The following GGT5 variants were observed in gnomAD, a reference collection of about 807,000 sequenced individuals.
GGT5 encodes glutathione hydrolase 5 proenzyme.
GGT5 carries 50 observed loss-of-function variants against 58.1 expected under a neutral mutation model. That is an observed-to-expected ratio of 0.86 (90% CI 0.69 to 1.09). GGT5 has a LOEUF of 1.09. GGT5 is among the 50% of genes least tolerant of loss of function. The pLI, the probability that GGT5 is intolerant of heterozygous loss-of-function variation, is 0.00. For synonymous variants in GGT5, 370 were observed against 346.1 expected (o/e 1.07, Z -0.77); for missense variants, 800 against 789.4 (o/e 1.01, Z -0.16).
chr22:24,225,995 G>A, intron 8 of GGT5, 81 bp downstream of exon 8: 1 of 1,019,316 alleles, frequency 9.8e-7, no homozygotes, highest in Non-Finnish European at 1.4e-6. Flanking sequence ...GTGGGGACAA[G>A]TGAGGGGACA....
rs1042503405 is a variant in GGT5 at position 24,230,093 on chromosome 22, C to A, written c.901+1291G>T. On this transcript the variant is annotated intron_variant, in intron 6 of 11. Transcript: ENST00000327365. ...ACTAAAAAGATAAAAATCATCTGGG[C>A]GCGGTGGCTCATGCCTGTAATCCCA... Among the ~76,000 whole-genome samples the A allele has an allele frequency of 2.0e-5, 3 of 151,178 alleles. No homozygotes were observed. The East Asian group carries it at 5.9e-4, about 30-fold the overall frequency.
chr22:24,230,790 T>C (rs6004107), intron 6 of GGT5, among the ~76,000 whole-genome samples: 3,712 of 152,252 alleles, frequency 0.024, 178 homozygotes, highest in African/African-American at 0.084. Flanking sequence ...TTCTGTTTTT[T>C]ATTTAGGTCA....
At position 24,244,976 on chromosome 22, in the gene GGT5, G is replaced by A. The variant is rs1272350054; in HGVS notation, c.-251C>T. 3.4e-6 allele frequency: 2 copies of A among 591,790 alleles called. No individual in the cohort carries two copies. The highest frequency in any genetic ancestry group is 5.8e-6 in the Non-Finnish European group (2 of 347,662). The allele number at this position is 591,790 out of a possible 1,614,324, so 36.7% of individuals were successfully genotyped here. A position where few individuals can be genotyped will look rare whatever the true frequency, so the allele number is the denominator to read the frequency against. On this transcript the variant is annotated 5_prime_UTR_variant, in exon 1 of 12. Transcript: ENST00000327365. Reference sequence around the variant, plus strand: ...GGGCTTACAGATGGGCGGACAGACAGACAGGTCTGAACAGCGGGCTGCCAG... The same window carrying A: ...GGGCTTACAGATGGGCGGACAGACAAACAGGTCTGAACAGCGGGCTGCCAG...
In GGT5 at chr22:24,232,217, T is replaced by C; in HGVS notation, c.597-9A>G. The C allele has an allele frequency of 7.1e-6, 3 of 425,166 alleles. No individual in the cohort carries two copies. Among genetic ancestry groups the C allele is most frequent in the South Asian group, 3.2e-5 (1 of 30,846 alleles). The allele number at this position is 425,166 out of a possible 1,614,324, so 26.3% of individuals were successfully genotyped here. A position where few individuals can be genotyped will look rare whatever the true frequency, so the allele number is the denominator to read the frequency against. Reference sequence around the variant, plus strand: ...CGTTGAAGAAGAGCTGGCTGGGGGGTGGGGGGAGCCTCAGGGTGGGGCCAG... The same window carrying C: ...CGTTGAAGAAGAGCTGGCTGGGGGGCGGGGGGAGCCTCAGGGTGGGGCCAG... On this transcript the variant is annotated splice_polypyrimidine_tract_variant and intron_variant, in intron 4 of 11. Transcript: ENST00000327365.
intron 6 of GGT5, among the ~76,000 whole-genome samples, chr22:24,230,162 G>T (rs2047895856): frequency 6.6e-6 from 1 of 151,962 alleles, no homozygotes; most frequent in African/African-American, 2.4e-5. Flanking sequence ...GACATCAGAA[G>T]TTCAAGACCA....
At chr22:24,238,428 G>A (rs937196322) in intron 1 of GGT5, among the ~76,000 whole-genome samples, 1 of 151,360 alleles carries the variant, frequency 6.6e-6, no homozygotes, top group Non-Finnish European at 1.5e-5. Flanking sequence ...CCAGCTACTT[G>A]GGAGACTGAG....
intron 2 of GGT5, 75 bp from the exon 3 acceptor site, chr22:24,233,668 C>A: frequency 1.1e-6 from 1 of 924,028 alleles, no homozygotes; most frequent in Non-Finnish European, 1.6e-6. Flanking sequence ...CCTCAGTTTC[C>A]ATCTCTGCAT....
chr22:24,219,901 C>T lies in GGT5; in HGVS notation c.*69G>A. 1 of 1,514,080 alleles carries T rather than the reference C, an allele frequency of 6.6e-7. No individual in the cohort carries two copies. Among genetic ancestry groups the T allele is most frequent in the Non-Finnish European group, 9.1e-7 (1 of 1,098,664 alleles). 93.8% of individuals were successfully genotyped at this position (1,514,080 alleles called of 1,614,324 possible). A position where few individuals can be genotyped will look rare whatever the true frequency, so the allele number is the denominator to read the frequency against. ...AGATCCTGCCAGAGTAGTTGGTCCC[C>T]CAGCCATGTCCGGCCTGGACACAGG... On this transcript the variant is annotated 3_prime_UTR_variant, in exon 12 of 12. Transcript: ENST00000327365.
intron 2 of GGT5, 53 bp downstream of exon 2, chr22:24,233,821 G>A (rs1830672746): frequency 5.8e-6 from 9 of 1,544,272 alleles, no homozygotes; most frequent in South Asian, 2.3e-5. Context: ...AAGGGGTTAC[G>A]CAGTGGTGTG....
At chr22:24,227,358 C>T (rs550714089) in intron 6 of GGT5, among the ~76,000 whole-genome samples, 13 of 152,084 alleles carry the variant, frequency 8.5e-5, no homozygotes, top group Admixed American at 7.9e-4. Flanking sequence ...GTGATTCTCC[C>T]GCCTCAGCCT....
chr22:24,232,907 C>T lies in GGT5; in HGVS notation c.512G>A (p.Arg171Gln), dbSNP rs565142474. 1.6e-5 allele frequency: 26 copies of T among 1,581,032 alleles called. No homozygotes were observed. In the Admixed American group the frequency reaches 2.5e-4, roughly 15 times the overall value. Residue 171 changes from arginine to glutamine, a missense_variant, in exon 4 of 12, where the codon CGA (arginine) becomes CAA (glutamine). Transcript: ENST00000327365. ...QLFQPTIALL[R>Q]GGHVVAPVLS... ...GACAGGGGCCACCACATGCCCCCCT[C>T]GGAGCAGCGCGATGGTGGGCTGGAA...
chr22:24,235,050 CTTTTT>C (rs71189232), intron 1 of GGT5, among the ~76,000 whole-genome samples: 26 of 75,650 alleles, frequency 3.4e-4, no homozygotes, highest in African/African-American at 1.3e-3. Flanking sequence ...AAGAAGCCAG[CTTTTT>C]TTTTTTTTTT....
intron 11 of GGT5, among the ~76,000 whole-genome samples, chr22:24,221,757 C>T (rs901763629): frequency 2.6e-5 from 4 of 152,040 alleles, no homozygotes; most frequent in African/African-American, 9.7e-5. Context: ...CCACCCACCT[C>T]AGCCTCCCAA....
rs1336914027 is a variant in GGT5 at position 24,232,165 on chromosome 22, G to A, written c.640C>T (p.Pro214Ser). Residue 214 changes from proline to serine, a missense_variant, in exon 5 of 12, where the codon CCA (proline) becomes TCA (serine). Physicochemically the swap from Pro to Ser is moderately conservative, Grantham distance 74. Coordinates refer to ENST00000327365, the MANE Select transcript of GGT5 (RefSeq NM_004121.5). ...GTGGCCAGTGCAGGCCATGGGAGTGGGTCCTGAGGCCTCAGGGGTTCTGTC... is the reference window on the plus strand; with the variant it reads ...GTGGCCAGTGCAGGCCATGGGAGTGAGTCCTGAGGCCTCAGGGGTTCTGTC... ...NGTEPLRPQDPLPWPALATTL... is the reference protein window; with the variant it reads ...NGTEPLRPQDSLPWPALATTL... The A allele has an allele frequency of 1.9e-6, 3 of 1,583,210 alleles. No individual in the cohort carries two copies. Among genetic ancestry groups the A allele is most frequent in the South Asian group, 2.3e-5 (2 of 87,866 alleles).
chr22:24,231,306 G>T, intron 6 of GGT5, 78 bp downstream of exon 6: 1 of 993,652 alleles, frequency 1.0e-6, no homozygotes, highest in Non-Finnish European at 1.5e-6. Flanking sequence ...GGCTGGGCTT[G>T]GGCTTGGAGT....
intron 1 of GGT5, among the ~76,000 whole-genome samples, chr22:24,234,590 C>G (rs144887548): frequency 6.6e-6 from 1 of 152,158 alleles, no homozygotes; most frequent in East Asian, 1.9e-4. Context: ...GAGGCCGAGG[C>G]GGATAGATCA....
chr22:24,238,891 T>TTATA, intron 1 of GGT5, among the ~76,000 whole-genome samples: 1 of 9,636 alleles, frequency 1.0e-4, no homozygotes, highest in East Asian at 3.6e-3. Context: ...ATTATATATT[T>TTATA]TATATATATA....
intron 6 of GGT5, among the ~76,000 whole-genome samples, chr22:24,227,568 AGAG>A (rs1451046063): frequency 1.3e-5 from 2 of 152,006 alleles, no homozygotes; most frequent in Non-Finnish European, 2.9e-5. Flanking sequence ...AAAGATTTTG[AGAG>A]GAGGAGATGA....
rs201674335 is a variant in GGT5 at position 24,234,011 on chromosome 22, G to T, written c.174-7C>A. 18 of 1,602,286 alleles carry T rather than the reference G, an allele frequency of 1.1e-5. No homozygotes were observed. Among genetic ancestry groups the T allele is most frequent in the Non-Finnish European group, 1.5e-5 (18 of 1,175,100 alleles). On this transcript the variant is annotated splice_polypyrimidine_tract_variant and splice_region_variant and intron_variant, in intron 1 of 11. Transcript: ENST00000327365. ...CTGCTGCTGGAGGATGGCTCTAGGG[G>T]ACATGGCACAGAGTCGCTGTGGGGC... is the stretch of plus-strand genomic sequence containing the variant.
Sources: gnomAD v4.1 joint callset for allele counts (sites outside exome capture counted in the v4.1 genomes callset) on GRCh38, gnomAD v4.1.1 for gene constraint, MANE v1.5 for transcripts, NCBI Gene and HGNC (gene_info 2026-07-23, HGNC 2026-07-21) for gene names.